CENPE: variants seen among roughly 807,000 people sequenced by gnomAD.
The protein encoded by CENPE is centromere-associated protein E.
A neutral mutation model predicts 336.1 loss-of-function variants in CENPE; 145 were observed. That is an observed-to-expected ratio of 0.43 (90% CI 0.38 to 0.50). The LOEUF (loss-of-function observed/expected upper bound fraction) is 0.50. CENPE is among the 20% of genes least tolerant of loss of function. The pLI is 0.00. For synonymous variants in CENPE, 1,013 were observed against 984.8 expected (o/e 1.03, Z -0.54); for missense variants, 2,719 against 3,023.3 (o/e 0.90, Z 2.36).
At chr4:103,151,130 T>C in intron 26 of CENPE, 89 bp downstream of exon 26, 1 of 1,212,626 alleles carries the variant, frequency 8.2e-7, no homozygotes, top group Non-Finnish European at 1.2e-6. Context: ...GTATGTGCTA[T>C]TTCTGGATTT....
intron 46 of CENPE, among the ~76,000 whole-genome samples, chr4:103,113,224 G>GTATATGTGTATATATACTTATAAGTATA (rs1749728825): frequency 7.4e-6 from 1 of 134,882 alleles, no homozygotes; most frequent in East Asian, 2.2e-4. Context: ...ATACTTTTAA[G>GTATATGTGTATATATACTTATAAGTATA]TATATGTGTA....
At chr4:103,140,631 A>G (rs893246342) in intron 36 of CENPE, among the ~76,000 whole-genome samples, 183 bp downstream of exon 36, 1 of 152,094 alleles carries the variant, frequency 6.6e-6, no homozygotes, top group Non-Finnish European at 1.5e-5. Flanking sequence ...TTCTAAATCA[A>G]TATCACAAAA....
At chr4:103,153,876 A>C (rs1254200445) in intron 24 of CENPE, among the ~76,000 whole-genome samples, 1 of 152,160 alleles carries the variant, frequency 6.6e-6, no homozygotes, top group Non-Finnish European at 1.5e-5. Flanking sequence ...TATTATATGT[A>C]GGGGGATAAA....
Position 103,145,657 on chromosome 4 carries a change from T to G in CENPE, c.4438A>C (p.Lys1480Gln), listed in dbSNP as rs148056533. Residue 1480 changes from lysine to glutamine, a missense_variant, in exon 31 of 49, where the codon AAA becomes CAA. Around this residue, in one of 5 missense-constraint regions of CENPE, gnomAD observed 2,437 missense variants for 2,513.3 expected, o/e 0.97. Transcript: ENST00000265148. ...AKHLETEEELKVAHCCLKEQE... is the reference protein window; with the variant it reads ...AKHLETEEELQVAHCCLKEQE... ...TCTTTCAGGCAACAATGAGCAACTT[T>G]AAGTTCCTCTTCAGTTTCCAGGTGC... The G allele has an allele frequency of 6.2e-7, 1 of 1,600,484 alleles. No individual in the cohort carries two copies. Among genetic ancestry groups the G allele is most frequent in the Non-Finnish European group, 8.5e-7 (1 of 1,176,542 alleles).
chr4:103,114,965 T>C (rs1406838630), intron 45 of CENPE, among the ~76,000 whole-genome samples: 1 of 152,184 alleles, frequency 6.6e-6, no homozygotes, highest in Non-Finnish European at 1.5e-5. Flanking sequence ...ACTGCAGCTC[T>C]GGTCTAAGGT....
At chr4:103,125,762 G>C (rs1751033615) in intron 42 of CENPE, among the ~76,000 whole-genome samples, 1 of 151,504 alleles carries the variant, frequency 6.6e-6, no homozygotes, top group Non-Finnish European at 1.5e-5. Context: ...TTACTCGGGA[G>C]GCTGAGGCAA....
intron 23 of CENPE, 61 bp from the exon 24 acceptor site, chr4:103,158,519 C>G: frequency 6.7e-7 from 1 of 1,501,854 alleles, no homozygotes. Context: ...TATTTTGTAG[C>G]TACTACATAA....
intron 13 of CENPE, among the ~76,000 whole-genome samples, chr4:103,178,940 A>AT (rs1475645830): frequency 2.6e-5 from 4 of 152,192 alleles, no homozygotes; most frequent in Admixed American, 2.6e-4. Context: ...ATTGATATTT[A>AT]TATCTCAAAT....
intron 13 of CENPE, 81 bp from the exon 14 acceptor site, chr4:103,177,127 GA>G: frequency 8.8e-7 from 1 of 1,135,140 alleles, no homozygotes; most frequent in South Asian, 1.6e-5. Context: ...TTCTATTTTT[GA>G]AAACCATTGA....
chr4:103,143,243 A>G lies in CENPE; in HGVS notation c.5304+5T>C, dbSNP rs1752719955. The G allele has an allele frequency of 6.4e-7, 1 of 1,570,136 alleles. No homozygotes were observed. On this transcript the variant is annotated splice_donor_5th_base_variant and intron_variant, in intron 34 of 48. Coordinates refer to ENST00000265148, the MANE Select transcript of CENPE (RefSeq NM_001813.3). ...AGTAACTGAGATAACTTAAAAATAA[A>G]ATACCTGTGCTTTTAAGGCATCATT...
chr4:103,124,405 T>G (rs1318238390), intron 42 of CENPE, among the ~76,000 whole-genome samples: 5 of 152,206 alleles, frequency 3.3e-5, no homozygotes, highest in African/African-American at 1.2e-4. Flanking sequence ...ATAATCTCAC[T>G]TTATTAGATT....
intron 25 of CENPE, among the ~76,000 whole-genome samples, chr4:103,152,839 G>A (rs1486164287): frequency 6.6e-6 from 1 of 152,108 alleles, no homozygotes; most frequent in African/African-American, 2.4e-5. Context: ...ATAGAGGTGT[G>A]AGGAAACTTT....
At chr4:103,145,728 C>A in intron 30 of CENPE, 47 bp from the exon 31 acceptor site, 1 of 1,516,920 alleles carries the variant, frequency 6.6e-7, no homozygotes, top group South Asian at 1.3e-5. Flanking sequence ...AACATTATAA[C>A]TATTTTGTTG....
intron 46 of CENPE, 23 bp from the exon 47 acceptor site, chr4:103,111,034 T>C (rs1319729292): frequency 2.0e-6 from 3 of 1,501,632 alleles, no homozygotes; most frequent in East Asian, 4.6e-5. Context: ...AATATACAAA[T>C]AGGTGATAAT....
At position 103,195,213 on chromosome 4, in the gene CENPE, G is replaced by A. The variant is rs2126059805; in HGVS notation, c.378C>T (p.Leu126=). The A allele has an allele frequency of 1.9e-6, 3 of 1,575,528 alleles. No homozygotes were observed. The highest frequency in any genetic ancestry group is 1.7e-6 in the Non-Finnish European group (2 of 1,167,560). ...KIKKFPDREF[L]LRVSYMEIYN... ...ATATTTCCATGTAAGATACACGTAA[G>A]AGAAATTCCCTATCAGGAAACTAGA... Residue 126 remains leucine, a synonymous_variant, in exon 5 of 49, where the codon CTC becomes CTT. Coordinates refer to ENST00000265148, the MANE Select transcript of CENPE (RefSeq NM_001813.3).
chr4:103,165,656 T>C (rs987657524), intron 16 of CENPE, among the ~76,000 whole-genome samples: 1 of 152,118 alleles, frequency 6.6e-6, no homozygotes, highest in Non-Finnish European at 1.5e-5. Flanking sequence ...TTTTATTACA[T>C]AATCTTTTAA....
chr4:103,130,231 C>G (rs1751465426), intron 42 of CENPE, among the ~76,000 whole-genome samples: 1 of 152,126 alleles, frequency 6.6e-6, no homozygotes, highest in Admixed American at 6.5e-5. Flanking sequence ...ACAAAACTCT[C>G]TTTGTTTACA....
At chr4:103,165,881 A>T (rs116550427) in intron 16 of CENPE, among the ~76,000 whole-genome samples, 21,571 of 140,638 alleles carry the variant, frequency 0.15, 1,827 homozygotes, top group South Asian at 0.31. Context: ...TTGTGTTTTA[A>T]AAAAAAAAAA....
rs776734499 is a variant in CENPE, at chr4:103,161,380, TTCTC to T, written c.1916_1919del (p.Arg639AsnfsTer12). ...GATTTTCACTTCTAAGAAAGGCTGA[TTCTC>T]TCTTGGCATCAAGGGCTACAGTTTC... On this transcript the variant is annotated frameshift_variant, in exon 19 of 49. Transcript: ENST00000265148. LOFTEE classifies it high-confidence loss of function. The T allele has an allele frequency of 5.0e-6, 8 of 1,612,300 alleles. No individual in the cohort carries two copies. Among genetic ancestry groups the T allele is most frequent in the Non-Finnish European group, 5.1e-6 (6 of 1,179,220 alleles).
Sources: gnomAD v4.1 joint callset for allele counts (sites outside exome capture counted in the v4.1 genomes callset) on GRCh38, gnomAD v4.1.1 for gene constraint, gnomAD v4.1.1 regional missense constraint, MANE v1.5 for transcripts, NCBI Gene and HGNC (gene_info 2026-07-23, HGNC 2026-07-21) for gene names.